The following MBP variants were observed in gnomAD, a reference collection of about 807,000 sequenced individuals.
MBP encodes Golli-MBP.
MBP carries 16 observed loss-of-function variants against 35.8 expected under a neutral mutation model. The ratio of observed to expected loss-of-function variants is 0.45; its 90% confidence interval spans 0.30 to 0.68. The LOEUF is 0.68. Ranked by LOEUF, MBP falls within the 30% of genes least tolerant of loss-of-function variation. The pLI, the probability that MBP is intolerant of heterozygous loss-of-function variation, is 0.08. For missense variants in MBP, 380 were observed against 404.7 expected (o/e 0.94, Z 0.52); for synonymous variants, 143 against 159.6 (o/e 0.90, Z 0.78).
rs74720406 is a variant in MBP at position 77,032,972 on chromosome 18, T to A, written c.140-15704A>T. Among the ~76,000 whole-genome samples, 588 of 152,304 alleles carry A rather than the reference T, an allele frequency of 3.9e-3. 12 individuals are homozygous for A. The South Asian group carries it at 0.049, about 13-fold the overall frequency. On this transcript the variant is annotated intron_variant, in intron 3 of 8. Coordinates refer to ENST00000355994, the MANE Select transcript of MBP (RefSeq NM_001025101.2). ...TATGGCTGACTTTGTTTAATTTTTT[T>A]ATTTTTATTTTTTGAGGCTGAGTCT...
At chr18:77,108,520 G>T (rs1976350557) in intron 1 of MBP, 1 of 152,190 alleles carries the variant, frequency 6.6e-6, no homozygotes, top group Non-Finnish European at 1.5e-5. Context: ...GTCTCAGTTG[G>T]TATTCAGTTC....
At chr18:77,110,837 A>G (rs1400759595) in intron 1 of MBP, among the ~76,000 whole-genome samples, 2 of 152,232 alleles carry the variant, frequency 1.3e-5, no homozygotes, top group Non-Finnish European at 2.9e-5. Flanking sequence ...TGGTTAATTT[A>G]ATAAAATCTA....
intron 4 of MBP, among the ~76,000 whole-genome samples, chr18:77,009,080 G>A (rs563381073): frequency 5.9e-5 from 9 of 152,364 alleles, no homozygotes; most frequent in Admixed American, 2.0e-4. Flanking sequence ...CGGTGCAGAC[G>A]GTGGTGGCCT....
intron 4 of MBP, chr18:77,014,624 A>T: frequency 2.0e-6 from 2 of 985,402 alleles, no homozygotes; most frequent in Non-Finnish European, 2.4e-6. Context: ...CCCAATGAAT[A>T]CCCCAGATTT....
intron 4 of MBP, among the ~76,000 whole-genome samples, chr18:76,997,737 C>G (rs1356520738): frequency 6.6e-6 from 1 of 150,680 alleles, no homozygotes; most frequent in Non-Finnish European, 1.5e-5. Flanking sequence ...GGCTGGAGTG[C>G]AGTGGCGCGA....
intron 3 of MBP, among the ~76,000 whole-genome samples, chr18:77,035,356 G>C (rs1326638939): frequency 1.3e-5 from 2 of 152,218 alleles, no homozygotes; most frequent in Non-Finnish European, 2.9e-5. Flanking sequence ...TTGGAATGTT[G>C]TGTGCCCAGT....
intron 2 of MBP, among the ~76,000 whole-genome samples, chr18:77,088,455 C>A (rs1975359738): frequency 6.6e-6 from 1 of 152,200 alleles, no homozygotes; most frequent in African/African-American, 2.4e-5. Flanking sequence ...ACCTTCAGGG[C>A]ACACCAGATG....
At chr18:77,034,173 A>T (rs1972662703) in intron 3 of MBP, among the ~76,000 whole-genome samples, 2 of 151,722 alleles carry the variant, frequency 1.3e-5, no homozygotes, top group Admixed American at 6.6e-5. Context: ...TAGGCTGAGA[A>T]GGATTTGAAG....
At chr18:77,048,189 G>T (rs558363723) in intron 3 of MBP, among the ~76,000 whole-genome samples, 10 of 152,188 alleles carry the variant, frequency 6.6e-5, no homozygotes, top group African/African-American at 2.4e-4. Flanking sequence ...GCAGCAGGTG[G>T]GCAGTCGTGG....
intron 4 of MBP, chr18:77,014,448 C>T (rs879922057): frequency 5.1e-6 from 5 of 985,456 alleles, no homozygotes; most frequent in Non-Finnish European, 3.6e-6. Flanking sequence ...GGCAGGCCGC[C>T]GTGGTCCTGA....
chr18:77,009,981 G>T, intron 4 of MBP: 1 of 1,240,666 alleles, frequency 8.1e-7, no homozygotes, highest in Non-Finnish European at 1.2e-6. Context: ...CGCCGGCAAT[G>T]CCCCAAAGTC....
chr18:77,064,905 C>G (rs1202590711), intron 3 of MBP, among the ~76,000 whole-genome samples: 1 of 152,086 alleles, frequency 6.6e-6, no homozygotes, highest in African/African-American at 2.4e-5. Context: ...TTCATTCCAC[C>G]CCTTTTCCTC....
Position 77,017,138 on chromosome 18 carries a change from G to A in MBP, c.270C>T (p.His90=). ...CATCTCGGGAAAAGAGGCGGATCAA[G>A]TGGGGGCGGCTCCCTGGGTCAGCTG... The part of the protein sequence containing the change: ...AHPADPGSRP[H]LIRLFSRDAP... Residue 90 remains histidine, a synonymous_variant, in exon 4 of 9, where the codon CAC becomes CAT. Transcript: ENST00000355994. 1 of 1,574,908 alleles carries A rather than the reference G, an allele frequency of 6.3e-7. No homozygotes were observed.
chr18:77,014,495 A>G, intron 4 of MBP: 1 of 985,366 alleles, frequency 1.0e-6, no homozygotes, highest in Non-Finnish European at 1.2e-6. Flanking sequence ...TCGTTTGCAC[A>G]CCTCTTCGGC....
chr18:77,000,429 T>C (rs958824894), intron 4 of MBP, among the ~76,000 whole-genome samples: 11 of 152,172 alleles, frequency 7.2e-5, no homozygotes, highest in African/African-American at 2.4e-4. Flanking sequence ...TCACGATGCA[T>C]AGAGCAACAA....
chr18:77,000,233 C>G (rs1407793543), intron 4 of MBP, among the ~76,000 whole-genome samples: 1 of 152,126 alleles, frequency 6.6e-6, no homozygotes, highest in Non-Finnish European at 1.5e-5. Flanking sequence ...AAAATTCTAC[C>G]ACCGAAGGAT....
At chr18:77,002,125 T>G (rs188302497) in intron 4 of MBP, among the ~76,000 whole-genome samples, 7 of 152,334 alleles carry the variant, frequency 4.6e-5, no homozygotes, top group Non-Finnish European at 7.3e-5. Context: ...GCACAGGAAG[T>G]TGGCTCCATG....
At chr18:76,995,270 C>G (rs1239564330) in intron 4 of MBP, among the ~76,000 whole-genome samples, 3 of 152,152 alleles carry the variant, frequency 2.0e-5, no homozygotes, top group African/African-American at 4.8e-5. Flanking sequence ...TTCCCCAAAT[C>G]GATCTACAGG....
chr18:77,116,136 C>A (rs1463795042), intron 1 of MBP, among the ~76,000 whole-genome samples: 5 of 148,612 alleles, frequency 3.4e-5, no homozygotes, highest in South Asian at 2.1e-4. Flanking sequence ...TCCTGAGGGG[C>A]CCCACATCTT....
Sources: allele counts gnomAD v4.1 joint callset (sites outside exome capture counted in the v4.1 genomes callset), GRCh38; gene constraint gnomAD v4.1.1; transcripts MANE v1.5; gene names NCBI Gene and HGNC (gene_info 2026-07-23, HGNC 2026-07-21).